The following ELAPOR2 variants were observed in gnomAD, a reference collection of about 807,000 sequenced individuals.
The protein encoded by ELAPOR2 is endosome/lysosome-associated apoptosis and autophagy regulator family member 2.
In ELAPOR2, 89 loss-of-function variants were observed where a neutral mutation model predicts 120.7. The ratio of observed to expected loss-of-function variants is 0.74; its 90% confidence interval spans 0.62 to 0.88. The LOEUF is 0.88. Ranked by LOEUF, ELAPOR2 falls within the 40% of genes least tolerant of loss-of-function variation. The pLI is 0.00. For missense variants in ELAPOR2, 1,134 were observed against 1,251.6 expected, an observed-to-expected ratio of 0.91 and a Z score of 1.42; for synonymous variants, 444 against 444.9, an observed-to-expected ratio of 1.00 and a Z score of 0.03.
Position 86,877,604 on chromosome 7 carries a change from GA to G in ELAPOR2, c.*2866del, listed in dbSNP as rs1441336267. ...TTATGTACACATTAGCCTCCCATTA[GA>G]AATAACCATGTGCCACAGGAAGTAG... is the stretch of plus-strand genomic sequence containing the variant. On this transcript the variant is annotated 3_prime_UTR_variant, in exon 22 of 22. Transcript: ENST00000450689. The G allele has an allele frequency of 6.6e-6, 1 of 152,068 alleles. No homozygotes were observed. Among genetic ancestry groups the G allele is most frequent in the Non-Finnish European group, 1.5e-5 (1 of 68,022 alleles). The allele number at this position is 152,068 out of a possible 1,614,324, so 9.4% of individuals were successfully genotyped here.
In ELAPOR2 at chr7:86,999,312, T is replaced by C. The variant is rs376344781; in HGVS notation, c.190-34288A>G. 6.6e-5 allele frequency among the ~76,000 whole-genome samples: 10 copies of C among 152,316 alleles called. No individual in the cohort carries two copies. The East Asian group carries it at 1.9e-3, about 29-fold the overall frequency. On this transcript the variant is annotated intron_variant, in intron 1 of 21. Transcript: ENST00000450689. ...AAAATTAGTTTTGTTTTAATCATTCTATTATGTATTTTGCTTTGCTGTAGG... is the reference window on the plus strand; with the variant it reads ...AAAATTAGTTTTGTTTTAATCATTCCATTATGTATTTTGCTTTGCTGTAGG...
At position 86,961,587 on chromosome 7, in the gene ELAPOR2, T is replaced by A. The variant is rs1336232538; in HGVS notation, c.310+3317A>T. On this transcript the variant is annotated intron_variant, in intron 2 of 21. Coordinates refer to ENST00000450689, the MANE Select transcript of ELAPOR2 (RefSeq NM_001142749.3). ...AAAGAGAGAACATAGCCCAGGAAAC[T>A]GCTCTATCCTCTCTGATGATCTAAG... Among the ~76,000 whole-genome samples, 5 of 152,342 alleles carry A rather than the reference T, an allele frequency of 3.3e-5. No individual in the cohort carries two copies. In the South Asian group the frequency reaches 1.0e-3, roughly 32 times the overall value.
intron 1 of ELAPOR2, among the ~76,000 whole-genome samples, chr7:87,019,568 T>G (rs1793976343): frequency 6.6e-6 from 1 of 152,216 alleles, no homozygotes; most frequent in Non-Finnish European, 1.5e-5. Context: ...TATCTGGTAA[T>G]GTTTTATATA....
intron 5 of ELAPOR2, among the ~76,000 whole-genome samples, chr7:86,940,792 G>T (rs893677209): frequency 5.3e-5 from 8 of 151,944 alleles, no homozygotes; most frequent in Admixed American, 3.9e-4. Flanking sequence ...CTTCTATACA[G>T]TCTCTGGCTG....
Position 86,912,142 on chromosome 7 carries a change from T to C in ELAPOR2, c.2099A>G (p.Asn700Ser), listed in dbSNP as rs1168297203. ...TCCTTTGGAGGTGAAGCTGGGGCCA[T>C]TCATTAATGAGCCCACACTGCTGAG... is the stretch of plus-strand genomic sequence containing the variant. Reference protein sequence around the residue: ...SNLSSVGSLMNGPSFTSKGTK... With the variant: ...SNLSSVGSLMSGPSFTSKGTK... The change falls in exon 15 of 22, where the codon AAT becomes AGT. Residue 700 changes from asparagine to serine, a missense_variant. Physicochemically the swap from Asn to Ser is conservative, Grantham distance 46. This residue lies in a region of ELAPOR2 where 831 missense variants were observed against 867.6 expected (regional missense o/e 0.96). Transcript: ENST00000450689. 11 of 1,612,912 alleles carry C rather than the reference T, an allele frequency of 6.8e-6. No individual in the cohort carries two copies. The highest frequency in any genetic ancestry group is 1.3e-5 in the African/African-American group (1 of 74,928).
intron 1 of ELAPOR2, among the ~76,000 whole-genome samples, chr7:87,000,079 G>A (rs1275461428): frequency 6.6e-6 from 1 of 152,070 alleles, no homozygotes; most frequent in African/African-American, 2.4e-5. Context: ...ATGAACTGTG[G>A]AAAGTTAAAT....
chr7:86,911,125 G>A (rs1188360529), intron 15 of ELAPOR2, among the ~76,000 whole-genome samples: 1 of 152,158 alleles, frequency 6.6e-6, no homozygotes, highest in Non-Finnish European at 1.5e-5. Flanking sequence ...TGTACAATAA[G>A]ATTGTGATAG....
intron 3 of ELAPOR2, among the ~76,000 whole-genome samples, chr7:86,947,271 C>A (rs1473550531): frequency 6.6e-6 from 1 of 152,108 alleles, no homozygotes. Flanking sequence ...AGCTAATAAT[C>A]CCCTATAAAA....
intron 21 of ELAPOR2, among the ~76,000 whole-genome samples, chr7:86,887,084 T>C (rs1364068796): frequency 6.6e-6 from 1 of 152,148 alleles, no homozygotes; most frequent in Non-Finnish European, 1.5e-5. Flanking sequence ...TGTCTGCCAC[T>C]TGGAAAATTA....
chr7:86,913,160 T>A lies in ELAPOR2; in HGVS notation c.1776A>T (p.Thr592=), dbSNP rs755900186. 6.2e-7 allele frequency: 1 copy of A among 1,613,982 alleles called. No individual in the cohort carries two copies. The highest frequency in any genetic ancestry group is 1.1e-5 in the South Asian group (1 of 91,076). The change falls in exon 14 of 22, where the codon ACA becomes ACT. Residue 592 remains threonine (T), a synonymous_variant. Coordinates refer to ENST00000450689, the MANE Select transcript of ELAPOR2 (RefSeq NM_001142749.3). The part of the protein sequence containing the change: ...INDMVKIYSI[T]ATNAVDGVAS... ...CCACCCCATCAACTGCATTAGTGGC[T>A]GTGATAGAATAAATCTTCACCATGT...
At chr7:86,911,681 G>A (rs1214062085) in intron 15 of ELAPOR2, 1 of 459,158 alleles carries the variant, frequency 2.2e-6, no homozygotes, top group African/African-American at 2.0e-5. Context: ...GCTTCCTCTT[G>A]AAAGTCTTTT....
At chr7:86,918,647 C>T in intron 11 of ELAPOR2, 103 bp from the exon 12 acceptor site, 1 of 716,374 alleles carries the variant, frequency 1.4e-6, no homozygotes, top group East Asian at 2.7e-5. Context: ...ATGCTCTTCT[C>T]TTCCTCTAAT....
At position 86,964,987 on chromosome 7, in the gene ELAPOR2, C is replaced by A. The variant is rs751328523; in HGVS notation, c.227G>T (p.Ser76Ile). 1.2e-5 allele frequency: 18 copies of A among 1,551,598 alleles called. No homozygotes were observed. The South Asian group carries it at 2.1e-4, about 18-fold the overall frequency. ...AATGGCAACTCTCCACCTGGAGCCA[C>A]TGCTATCACATTCCGTATATTCAAA... ...YHFEYTECDS[S>I]GSRWRVAIPN... The change falls in exon 2 of 22, where the codon AGT (serine) becomes ATT (isoleucine). Residue 76 changes from serine (S) to isoleucine (I), a missense_variant. Ser to Ile is a moderately radical substitution (Grantham distance 142). Transcript: ENST00000450689.
chr7:86,995,586 T>C (rs1612547), intron 1 of ELAPOR2, among the ~76,000 whole-genome samples: 57,506 of 152,018 alleles, frequency 0.38, 11,726 homozygotes, highest in African/African-American at 0.53. Flanking sequence ...ACGTAAGACC[T>C]GGCTCCCTGT....
Position 86,925,646 on chromosome 7 carries a change from T to C in ELAPOR2, c.1281A>G (p.Pro427=), listed in dbSNP as rs149271275. 636 of 1,611,684 alleles carry C rather than the reference T, an allele frequency of 3.9e-4. No individual in the cohort carries two copies. The highest frequency in any genetic ancestry group is 2.0e-3 in the Middle Eastern group (12 of 6,036). ...GTGCAGGCTCCGTTCCTGCTGGACATGGTCTACATTCTACAGGAGACAAGT... is the reference window on the plus strand; with the variant it reads ...GTGCAGGCTCCGTTCCTGCTGGACACGGTCTACATTCTACAGGAGACAAGT... ...TFSDGTKECR[P]CPAGTEPALG... is the part of the protein sequence containing the mutation. The change falls in exon 10 of 22, where the codon CCA becomes CCG. Residue 427 remains proline, a synonymous_variant. Coordinates refer to ENST00000450689, the MANE Select transcript of ELAPOR2 (RefSeq NM_001142749.3).
intron 10 of ELAPOR2, 109 bp downstream of exon 10, chr7:86,925,419 A>G (rs777229543): frequency 9.2e-7 from 1 of 1,092,030 alleles, no homozygotes. Context: ...CCAAATGATA[A>G]GATTGAAGTT....
At chr7:86,897,394 C>T (rs1788484139) in intron 19 of ELAPOR2, 112 bp downstream of exon 19, 2 of 1,307,064 alleles carry the variant, frequency 1.5e-6, no homozygotes, top group Non-Finnish European at 2.1e-6. Flanking sequence ...ACCAATGTAA[C>T]ATTAAGTTAA....
chr7:86,911,717 C>A (rs1354170886), intron 15 of ELAPOR2: 1 of 470,182 alleles, frequency 2.1e-6, no homozygotes, highest in African/African-American at 2.0e-5. Context: ...AAATTGACAA[C>A]ATAAACAACA....
At chr7:86,940,311 A>C (rs1162164334) in intron 5 of ELAPOR2, among the ~76,000 whole-genome samples, 196 bp from the exon 6 acceptor site, 1 of 152,092 alleles carries the variant, frequency 6.6e-6, no homozygotes, top group African/African-American at 2.4e-5. Context: ...GGAGTTTGCT[A>C]ATCCACAAAA....
Sources: gnomAD v4.1 joint callset for allele counts (sites outside exome capture counted in the v4.1 genomes callset) on GRCh38, gnomAD v4.1.1 for gene constraint, gnomAD v4.1.1 regional missense constraint, MANE v1.5 for transcripts, NCBI Gene and HGNC (gene_info 2026-07-23, HGNC 2026-07-21) for gene names.